BAZ1B: variants seen among roughly 807,000 people sequenced by gnomAD.
The protein encoded by BAZ1B is tyrosine-protein kinase BAZ1B.
A neutral mutation model predicts 153.8 loss-of-function variants in BAZ1B; 22 were observed. That is an observed-to-expected ratio of 0.14 (90% CI 0.10 to 0.20). The LOEUF is 0.20. Among genes scored for constraint, BAZ1B ranks in the 10% least tolerant of loss-of-function variants. The pLI is 1.00. For synonymous variants in BAZ1B, 676 were observed against 633.4 expected, an observed-to-expected ratio of 1.07 and a Z score of -1.01; for missense variants, 1,325 against 1,799.3, an observed-to-expected ratio of 0.74 and a Z score of 4.77.
rs1213948537 is a variant in BAZ1B at position 73,497,083 on chromosome 7, AC to A, written c.571+1413del. Among the ~76,000 whole-genome samples the A allele has an allele frequency of 3.2e-3, 484 of 150,020 alleles. 23 individuals carry two copies. Among genetic ancestry groups the A allele is most frequent in the African/African-American group, 0.011 (456 of 40,592 alleles). On this transcript the variant is annotated intron_variant, in intron 4 of 19. Coordinates refer to ENST00000339594, the MANE Select transcript of BAZ1B (RefSeq NM_032408.4). ...ACCTCTACAAAAAAAAAAAAAAAAA[AC>A]CTACAAAAATTAGCTGGGTGTGGTG... is the stretch of plus-strand genomic sequence containing the variant.
intron 2 of BAZ1B, among the ~76,000 whole-genome samples, chr7:73,509,471 G>A (rs1040214060): frequency 2.0e-5 from 3 of 152,120 alleles, no homozygotes; most frequent in East Asian, 3.8e-4. Flanking sequence ...GTGGGTCCCA[G>A]CACTTTGAAA....
At chr7:73,508,271 A>G (rs1484736081) in intron 3 of BAZ1B, 56 bp downstream of exon 3, 11 of 1,576,322 alleles carry the variant, frequency 7.0e-6, no homozygotes, top group South Asian at 1.2e-5. Flanking sequence ...TCTGTAACCT[A>G]CGATGACAGC....
intron 1 of BAZ1B, among the ~76,000 whole-genome samples, chr7:73,511,254 C>T (rs1268101023): frequency 2.6e-5 from 4 of 151,300 alleles, no homozygotes; most frequent in South Asian, 2.1e-4. Context: ...GGAGACAGTG[C>T]GGCTCCGTCT....
In BAZ1B at chr7:73,440,965, G is replaced by A. The variant is rs1423447244; in HGVS notation, c.*744C>T. 1 of 152,634 alleles carries A rather than the reference G, an allele frequency of 6.6e-6. No homozygotes were observed. The highest frequency in any genetic ancestry group is 1.5e-5 in the Non-Finnish European group (1 of 68,040). 9.5% of individuals were successfully genotyped at this position (152,634 alleles called of 1,614,324 possible). A position where few individuals can be genotyped will look rare whatever the true frequency, so the allele number is the denominator to read the frequency against. On this transcript the variant is annotated 3_prime_UTR_variant, in exon 20 of 20. Transcript: ENST00000339594. ...ACAACTAGAGCTAGATTTGTTGTGG[G>A]GGAAGGGGCTCTCAGAGCTTCTCTG...
intron 16 of BAZ1B, among the ~76,000 whole-genome samples, chr7:73,444,736 C>T (rs1325732298): frequency 6.6e-6 from 1 of 152,134 alleles, no homozygotes; most frequent in East Asian, 1.9e-4. Context: ...GAATATAGGC[C>T]GGGCGTTGTG....
rs1554570601 is a variant in BAZ1B, at chr7:73,462,942, T to C, written c.3229A>G (p.Thr1077Ala). Residue 1077 changes from threonine (T) to alanine (A), a missense_variant, in exon 12 of 20, where the codon ACA (threonine) becomes GCA (alanine). Physicochemically the swap from Thr to Ala is moderately conservative, Grantham distance 58. This residue lies in a region of BAZ1B where 431 missense variants were observed against 563.5 expected (regional missense o/e 0.76). Transcript: ENST00000339594. ...CCTACCCGGGCTTCAAATTCTGATG[T>C]TTCTTCCACATATCCAAGTCCTCCT... The part of the protein sequence containing the change: ...QKGGLGYVEE[T>A]SEFEARVISL... 6 of 1,614,112 alleles carry C rather than the reference T, an allele frequency of 3.7e-6. No individual in the cohort carries two copies. The highest frequency in any genetic ancestry group is 5.1e-6 in the Non-Finnish European group (6 of 1,179,994).
intron 8 of BAZ1B, 32 bp downstream of exon 8, chr7:73,470,312 TA>T: frequency 6.3e-7 from 1 of 1,588,900 alleles, no homozygotes; most frequent in Non-Finnish European, 8.6e-7. Flanking sequence ...TAAATAGTCC[TA>T]AAGAAAACAA....
intron 1 of BAZ1B, among the ~76,000 whole-genome samples, chr7:73,511,882 T>G (rs1790593603): frequency 7.0e-6 from 1 of 141,980 alleles, no homozygotes; most frequent in Admixed American, 7.0e-5. Context: ...AAAAAAAAAA[T>G]TAGCCGGGCT....
rs1266688725 is a variant in BAZ1B at position 73,444,088 on chromosome 7, G to A, written c.3886C>T (p.Pro1296Ser). The change falls in exon 17 of 20, where the codon CCC (proline) becomes TCC (serine). Residue 1296 changes from proline (P) to serine (S), a missense_variant. Physicochemically the swap from Pro to Ser is moderately conservative, Grantham distance 74. Around this residue, in one of 9 missense-constraint regions of BAZ1B, gnomAD observed 271 missense variants for 337.2 expected, o/e 0.80. Coordinates refer to ENST00000339594, the MANE Select transcript of BAZ1B (RefSeq NM_032408.4). Reference protein sequence around the residue: ...KTIRGKHSVIPPAARSGRRPG... With the variant: ...KTIRGKHSVISPAARSGRRPG... ...CGCCGGCCTGACCTTGCTGCAGGGG[G>A]GATGACGCTGTGCTTGCCCCGGATG... 6.2e-7 allele frequency: 1 copy of A among 1,612,358 alleles called. No individual in the cohort carries two copies. Among genetic ancestry groups the A allele is most frequent in the Non-Finnish European group, 8.5e-7 (1 of 1,179,328 alleles).
chr7:73,503,878 T>C (rs1790232259), intron 3 of BAZ1B, among the ~76,000 whole-genome samples: 1 of 152,180 alleles, frequency 6.6e-6, no homozygotes, highest in African/African-American at 2.4e-5. Flanking sequence ...AACCAGGAGA[T>C]GGAAGTAAAG....
chr7:73,449,070 T>A (rs558544673), intron 15 of BAZ1B, among the ~76,000 whole-genome samples: 1 of 151,862 alleles, frequency 6.6e-6, no homozygotes, highest in South Asian at 2.1e-4. Context: ...CATCTGGGCA[T>A]TGGATTGATA....
intron 4 of BAZ1B, among the ~76,000 whole-genome samples, 188 bp downstream of exon 4, chr7:73,498,309 T>C (rs911582596): frequency 2.0e-5 from 3 of 152,160 alleles, no homozygotes; most frequent in Admixed American, 2.0e-4. Context: ...CCAATGGTCT[T>C]AATTATTTAG....
Position 73,477,291 on chromosome 7 carries a change from C to T in BAZ1B, c.2170G>A (p.Val724Ile). 1 of 1,614,204 alleles carries T rather than the reference C, an allele frequency of 6.2e-7. No homozygotes were observed. The highest frequency in any genetic ancestry group is 8.5e-7 in the Non-Finnish European group (1 of 1,180,036). ...KDSAAFEDNEVQDEFLEKLET... is the reference protein window; with the variant it reads ...KDSAAFEDNEIQDEFLEKLET... The stretch of plus-strand genomic sequence containing the variant: ...AGCTTTTCTAGGAACTCATCTTGTA[C>T]CTCATTATCCTCAAATGCAGCTGAA... The change falls in exon 7 of 20, where the codon GTA becomes ATA. Residue 724 changes from valine to isoleucine, a missense_variant. Val to Ile is a conservative substitution (Grantham distance 29). Around this residue, in one of 9 missense-constraint regions of BAZ1B, gnomAD observed 431 missense variants for 563.5 expected, o/e 0.76. Coordinates refer to ENST00000339594, the MANE Select transcript of BAZ1B (RefSeq NM_032408.4). The surrounding 1 kb of genome is among the most constrained non-coding windows in gnomAD (Gnocchi z 5.6).
At chr7:73,495,617 A>G (rs1254062062) in intron 4 of BAZ1B, among the ~76,000 whole-genome samples, 1 of 152,246 alleles carries the variant, frequency 6.6e-6, no homozygotes, top group African/African-American at 2.4e-5. Flanking sequence ...CACAATAGCA[A>G]AGACACAGAA....
chr7:73,487,261 T>C (rs1162677515), intron 6 of BAZ1B, among the ~76,000 whole-genome samples: 1 of 152,196 alleles, frequency 6.6e-6, no homozygotes, highest in Non-Finnish European at 1.5e-5. Flanking sequence ...AGTCTCTCTC[T>C]CCTACAAAAA....
chr7:73,514,546 A>AC (rs1473566726), intron 1 of BAZ1B, among the ~76,000 whole-genome samples: 1 of 151,992 alleles, frequency 6.6e-6, no homozygotes, highest in Non-Finnish European at 1.5e-5. Flanking sequence ...AAAAAAAAAA[A>AC]AAAACTGCAT....
chr7:73,470,158 TCTTA>T (rs1788743947), intron 8 of BAZ1B, among the ~76,000 whole-genome samples, 183 bp downstream of exon 8: 2 of 152,236 alleles, frequency 1.3e-5, no homozygotes, highest in Non-Finnish European at 2.9e-5. Flanking sequence ...CAGGAATATG[TCTTA>T]CTTAACTTTG....
intron 7 of BAZ1B, among the ~76,000 whole-genome samples, chr7:73,471,067 C>A (rs1788786961): frequency 6.6e-6 from 1 of 152,164 alleles, no homozygotes; most frequent in Admixed American, 6.5e-5. Flanking sequence ...TTTAAACAAT[C>A]CTGAAGAAAC....
chr7:73,517,293 G>C (rs1268876250), intron 1 of BAZ1B, among the ~76,000 whole-genome samples: 4 of 152,008 alleles, frequency 2.6e-5, no homozygotes, highest in African/African-American at 9.7e-5. Context: ...AGAAATCCAA[G>C]ACCAGCCGGG....
Sources: gnomAD v4.1 joint callset for allele counts (sites outside exome capture counted in the v4.1 genomes callset) on GRCh38, gnomAD v4.1.1 for gene constraint, gnomAD v4.1.1 regional missense constraint, Gnocchi (gnomAD v3.1) non-coding constraint, MANE v1.5 for transcripts, NCBI Gene and HGNC (gene_info 2026-07-23, HGNC 2026-07-21) for gene names.